Variants in PDE4B observed in about 807,000 individuals in gnomAD.
PDE4B encodes 3',5'-cyclic-AMP phosphodiesterase 4B.
A neutral mutation model predicts 82.2 loss-of-function variants in PDE4B; 20 were observed. That is an observed-to-expected ratio of 0.24 (90% confidence interval 0.17 to 0.35). The LOEUF (loss-of-function observed/expected upper bound fraction) is 0.35. PDE4B is among the 10% of genes least tolerant of loss of function. The pLI is 1.00. For missense variants in PDE4B, 655 were observed against 907.2 expected, an observed-to-expected ratio of 0.72 and a Z score of 3.57; for synonymous variants, 320 against 318.9, an observed-to-expected ratio of 1.00 and a Z score of -0.04.
intron 7 of PDE4B, among the ~76,000 whole-genome samples, chr1:66,280,948 A>T (rs542220859): frequency 3.7e-4 from 56 of 152,216 alleles, no homozygotes; most frequent in Non-Finnish European, 6.8e-4. Context: ...AGACGTAAAC[A>T]TCGTCACCAG....
chr1:66,231,678 A>G (rs1251382595), intron 3 of PDE4B, among the ~76,000 whole-genome samples: 1 of 152,262 alleles, frequency 6.6e-6, no homozygotes, highest in Non-Finnish European at 1.5e-5. Flanking sequence ...ATGGATTTGC[A>G]AAATAGCAAT....
intron 3 of PDE4B, among the ~76,000 whole-genome samples, chr1:66,023,887 T>C (rs970406947): frequency 6.6e-6 from 1 of 152,058 alleles, no homozygotes; most frequent in Non-Finnish European, 1.5e-5. Flanking sequence ...TTTCTTATAT[T>C]AGTACTTCAT....
intron 3 of PDE4B, among the ~76,000 whole-genome samples, chr1:66,208,685 A>T (rs1295131167): frequency 6.6e-6 from 1 of 152,224 alleles, no homozygotes; most frequent in African/African-American, 2.4e-5. Flanking sequence ...TCATTCAAAT[A>T]TTAAATTGGA....
At chr1:66,050,601 T>C (rs1274854898) in intron 3 of PDE4B, 1 of 152,144 alleles carries the variant, frequency 6.6e-6, no homozygotes, top group Admixed American at 6.6e-5. Context: ...TGCAAAGCCA[T>C]GCTCTACTTT....
chr1:66,105,434 G>A (rs1645328528), intron 3 of PDE4B, among the ~76,000 whole-genome samples: 2 of 151,890 alleles, frequency 1.3e-5, no homozygotes, highest in African/African-American at 4.8e-5. Context: ...CTCTTTTTTG[G>A]TTCCATATGA....
chr1:66,009,926 T>TATCTATCTATCTATCTATC (rs1652381985), intron 3 of PDE4B, among the ~76,000 whole-genome samples: 1 of 146,000 alleles, frequency 6.8e-6, no homozygotes, highest in Non-Finnish European at 1.5e-5. Context: ...TCTATCTATC[T>TATCTATCTATCTATCTATC]ATCTATCTAT....
At chr1:66,223,477 AT>A (rs1425271402) in intron 3 of PDE4B, among the ~76,000 whole-genome samples, 1 of 152,136 alleles carries the variant, frequency 6.6e-6, no homozygotes, top group Non-Finnish European at 1.5e-5. Flanking sequence ...TCATTTTAGT[AT>A]TTTGCTCCAT....
In PDE4B at chr1:66,035,249, C is replaced by G. The variant is rs553940455; in HGVS notation, c.281+116414C>G. 2.7e-5 allele frequency among the ~76,000 whole-genome samples: 4 copies of G among 150,636 alleles called. No homozygotes were observed. The East Asian group carries it at 8.1e-4, about 31-fold the overall frequency. ...TGGGGTATAATGTGATGTTTTGACA[C>G]ATGTTTAGATTGTGGAATGATCAAA... On this transcript the variant is annotated intron_variant, in intron 3 of 16. Coordinates refer to ENST00000341517, the MANE Select transcript of PDE4B (RefSeq NM_002600.4).
At chr1:66,329,709 A>G (rs1412958774) in intron 7 of PDE4B, among the ~76,000 whole-genome samples, 3 of 152,164 alleles carry the variant, frequency 2.0e-5, no homozygotes, top group Non-Finnish European at 2.9e-5. Context: ...ATCTTATTTA[A>G]TCCCTTTATA....
intron 1 of PDE4B, among the ~76,000 whole-genome samples, chr1:65,892,687 A>G (rs1646865581): frequency 6.6e-6 from 1 of 151,804 alleles, no homozygotes; most frequent in African/African-American, 2.4e-5. Context: ...TTTACCATCA[A>G]CCACTCCCTG....
intron 16 of PDE4B, among the ~76,000 whole-genome samples, chr1:66,371,971 C>A (rs2050798416): frequency 6.6e-6 from 1 of 152,182 alleles, no homozygotes. Flanking sequence ...TCTGTTGTAG[C>A]AAGATGAACA....
chr1:66,013,431 C>A (rs1227759967), intron 3 of PDE4B, among the ~76,000 whole-genome samples: 1 of 152,066 alleles, frequency 6.6e-6, no homozygotes, highest in Non-Finnish European at 1.5e-5. Context: ...TCTGGAAGAA[C>A]TATCTTCATT....
intron 3 of PDE4B, among the ~76,000 whole-genome samples, chr1:66,233,709 TG>T (rs1652175050): frequency 1.3e-5 from 2 of 152,190 alleles, no homozygotes; most frequent in African/African-American, 4.8e-5. Context: ...TGTGTGTGTG[TG>T]TGTATAAAGG....
chr1:65,833,556 G>A (rs932890595), intron 1 of PDE4B, among the ~76,000 whole-genome samples: 9 of 152,216 alleles, frequency 5.9e-5, no homozygotes, highest in African/African-American at 1.2e-4. Flanking sequence ...TTAAAGCACC[G>A]ATTGGTTATA....
At chr1:65,871,508 A>G (rs558815971) in intron 1 of PDE4B, among the ~76,000 whole-genome samples, 1 of 152,368 alleles carries the variant, frequency 6.6e-6, no homozygotes, top group African/African-American at 2.4e-5. Flanking sequence ...AAATGCAAAT[A>G]AGAAAATTAT....
chr1:65,800,493 C>T (rs533136062), intron 1 of PDE4B, among the ~76,000 whole-genome samples: 9 of 152,138 alleles, frequency 5.9e-5, no homozygotes, highest in Admixed American at 5.2e-4. Flanking sequence ...AATTGGAAGT[C>T]CTGAGTTCCA....
chr1:65,949,536 C>T (rs1648887469), intron 3 of PDE4B, among the ~76,000 whole-genome samples: 1 of 152,124 alleles, frequency 6.6e-6, no homozygotes, highest in South Asian at 2.1e-4. Context: ...CCTATCTTCT[C>T]TTGATTTAAC....
intron 3 of PDE4B, among the ~76,000 whole-genome samples, chr1:66,091,941 G>A (rs1285561105): frequency 6.6e-6 from 1 of 151,986 alleles, no homozygotes; most frequent in African/African-American, 2.4e-5. Flanking sequence ...TCCATAATAT[G>A]TCAACCAAAG....
At chr1:66,301,440 T>G (rs1657890565) in intron 7 of PDE4B, among the ~76,000 whole-genome samples, 2 of 152,054 alleles carry the variant, frequency 1.3e-5, no homozygotes, top group Non-Finnish European at 2.9e-5. Context: ...AGTAATATTA[T>G]CTCTATGTCA....
Sources: gnomAD v4.1 joint callset for allele counts (sites outside exome capture counted in the v4.1 genomes callset) on GRCh38, gnomAD v4.1.1 for gene constraint, MANE v1.5 for transcripts, NCBI Gene and HGNC (gene_info 2026-07-23, HGNC 2026-07-21) for gene names.